STEAP3: variants seen among roughly 807,000 people sequenced by gnomAD.
The protein encoded by STEAP3 is metalloreductase STEAP3.
A neutral mutation model predicts 34.9 loss-of-function variants in STEAP3; 35 were observed. The ratio of observed to expected loss-of-function variants is 1.00; its 90% CI spans 0.76 to 1.33. The LOEUF (loss-of-function observed/expected upper bound fraction) is 1.33. Ranked by LOEUF, STEAP3 falls within the 40% of genes most tolerant of loss-of-function variation. The pLI is 0.00. For synonymous variants in STEAP3, 281 were observed against 301.6 expected (o/e 0.93, Z 0.71); for missense variants, 652 against 667.6 (o/e 0.98, Z 0.26).
Position 119,235,727 on chromosome 2 carries a change from G to A in STEAP3, c.22+4693G>A, listed in dbSNP as rs7577784. On this transcript the variant is annotated intron_variant, in intron 2 of 5. Coordinates refer to ENST00000393110, the MANE Select transcript of STEAP3 (RefSeq NM_182915.3). ...GATAGACAGGAAAGAAAACAGTACT[G>A]TCCAGTGAGACGTATTGCTCTGGAG... is the stretch of plus-strand genomic sequence containing the variant. Among the ~76,000 whole-genome samples the A allele has an allele frequency of 8.9e-3, 1,362 of 152,340 alleles. 26 individuals carry two copies. The highest frequency in any genetic ancestry group is 0.031 in the African/African-American group (1,288 of 41,584).
In STEAP3 at chr2:119,230,769, A is replaced by G; in HGVS notation, c.-244A>G. 5.0e-6 allele frequency: 3 copies of G among 598,608 alleles called. No individual in the cohort carries two copies. Among genetic ancestry groups the G allele is most frequent in the South Asian group, 1.9e-5 (1 of 52,844 alleles). 37.1% of individuals were successfully genotyped at this position (598,608 alleles called of 1,614,324 possible). ...CAGCAGGCCAGAGCTGCGCTCTCTC[A>G]GTGCACTCTCCAACCAAGCATCAGT... On this transcript the variant is annotated 5_prime_UTR_variant, in exon 2 of 6. Coordinates refer to ENST00000393110, the MANE Select transcript of STEAP3 (RefSeq NM_182915.3).
intron 2 of STEAP3, among the ~76,000 whole-genome samples, chr2:119,243,134 C>G (rs1045419501): frequency 1.3e-5 from 2 of 152,236 alleles, no homozygotes; most frequent in Non-Finnish European, 2.9e-5. Context: ...CCCTCAGAGT[C>G]TCAGCTCAGC....
At chr2:119,259,187 T>C (rs552530345) in intron 5 of STEAP3, among the ~76,000 whole-genome samples, 16 of 152,258 alleles carry the variant, frequency 1.1e-4, no homozygotes, top group African/African-American at 3.9e-4. Flanking sequence ...TGAGCAATTG[T>C]CCAAAGCCCC....
In STEAP3 at chr2:119,245,628, C is replaced by A; in HGVS notation, c.162C>A (p.Ala54=). 1 of 1,610,492 alleles carries A rather than the reference C, an allele frequency of 6.2e-7. No homozygotes were observed. Among genetic ancestry groups the A allele is most frequent in the African/African-American group, 1.3e-5 (1 of 74,996 alleles). The change falls in exon 3 of 6, where the codon GCC becomes GCA. Residue 54 remains alanine, a synonymous_variant. Coordinates refer to ENST00000393110, the MANE Select transcript of STEAP3 (RefSeq NM_182915.3). The part of the protein sequence containing the change: ...LGSGDFARSL[A]TRLVGSGFKV... ...GCGGGGACTTTGCCCGCTCCCTGGC[C>A]ACACGCCTGGTGGGCTCTGGCTTCA...
chr2:119,264,296 C>T lies in STEAP3; in HGVS notation c.*958C>T, dbSNP rs886882442. On this transcript the variant is annotated 3_prime_UTR_variant, in exon 6 of 6. Transcript: ENST00000393110. ...AAACACTCTAGGGAGTAAAGCTCCC[C>T]GGGCGTCAGAGTTGAGCCCTGCCTG... The T allele has an allele frequency of 1.4e-4, 22 of 152,550 alleles. No individual in the cohort carries two copies. The highest frequency in any genetic ancestry group is 4.6e-4 in the African/African-American group (19 of 41,422). 9.4% of individuals were successfully genotyped at this position (152,550 alleles called of 1,614,324 possible).
Position 119,230,956 on chromosome 2 carries a change from C to A in STEAP3, c.-57C>A. On this transcript the variant is annotated 5_prime_UTR_variant, in exon 2 of 6. Transcript: ENST00000393110. ...GGAGACTGAGCCAGAAAGGGTGGCT[C>A]ACCTCACGGTGAGGCTGTCGAGTGA... is the stretch of plus-strand genomic sequence containing the variant. The A allele has an allele frequency of 1.2e-6, 2 of 1,612,894 alleles. No homozygotes were observed. Among genetic ancestry groups the A allele is most frequent in the Middle Eastern group, 1.7e-4 (1 of 6,058 alleles).
chr2:119,254,566 T>C, intron 4 of STEAP3, 118 bp from the exon 5 acceptor site: 1 of 1,096,776 alleles, frequency 9.1e-7, no homozygotes, highest in South Asian at 1.4e-5. Flanking sequence ...CAGAGCCAGG[T>C]AGCGTCAGGT....
chr2:119,236,629 G>A (rs1034662613), intron 2 of STEAP3, among the ~76,000 whole-genome samples: 1 of 152,176 alleles, frequency 6.6e-6, no homozygotes, highest in African/African-American at 2.4e-5. Context: ...GCCTGGTTAG[G>A]GAAGGGATGA....
chr2:119,234,983 T>C lies in STEAP3; in HGVS notation c.22+3949T>C, dbSNP rs575721091. ...CCCAGACTGGGCTGTCAAAGCATGC[T>C]AGTGAGAGATTCCTGGATGGCAGGC... is the stretch of plus-strand genomic sequence containing the variant. On this transcript the variant is annotated intron_variant, in intron 2 of 5. Transcript: ENST00000393110. Among the ~76,000 whole-genome samples the C allele has an allele frequency of 1.8e-4, 27 of 152,304 alleles. No individual in the cohort carries two copies. The South Asian group carries it at 5.4e-3, about 30-fold the overall frequency.
At chr2:119,252,324 A>G (rs1677649219) in intron 4 of STEAP3, among the ~76,000 whole-genome samples, 1 of 152,266 alleles carries the variant, frequency 6.6e-6, no homozygotes. Flanking sequence ...TGGCAGAGTC[A>G]GCGTCAGAAT....
chr2:119,246,351 C>A, intron 3 of STEAP3: 1 of 250,062 alleles, frequency 4.0e-6, no homozygotes, highest in South Asian at 6.4e-5. Flanking sequence ...GAAAGTAACA[C>A]ACTTATGTAC....
At position 119,260,334 on chromosome 2, in the gene STEAP3, C is replaced by T. The variant is rs1290163717; in HGVS notation, c.1216-2723C>T. On this transcript the variant is annotated intron_variant, in intron 5 of 5. Transcript: ENST00000393110. ...TTTTTTTTTTTCTTTTTTTTTGAGA[C>T]GGAATTTCACTCTTGTTGCCCAGGC... Among the ~76,000 whole-genome samples the T allele has an allele frequency of 3.5e-5, 5 of 141,722 alleles. No individual in the cohort carries two copies. The East Asian group carries it at 1.0e-3, about 29-fold the overall frequency. 93.0% of individuals were successfully genotyped at this position (141,722 alleles called of 152,430 possible).
chr2:119,229,996 G>A (rs1033488940), intron 1 of STEAP3, among the ~76,000 whole-genome samples: 3 of 152,158 alleles, frequency 2.0e-5, no homozygotes, highest in Non-Finnish European at 2.9e-5. Flanking sequence ...TTGGTGTTTG[G>A]TGATGATAGG....
chr2:119,227,442 G>C (rs1049843361), intron 1 of STEAP3, among the ~76,000 whole-genome samples: 1 of 152,138 alleles, frequency 6.6e-6, no homozygotes, highest in Non-Finnish European at 1.5e-5. Flanking sequence ...AGAATTGTTC[G>C]ATACTCAACT....
Position 119,248,154 on chromosome 2 carries a change from TGCCGCTGCGCCGC to T in STEAP3, c.1002_1014del (p.Leu335ThrfsTer48). On this transcript the variant is annotated frameshift_variant, in exon 4 of 6. Transcript: ENST00000393110. LOFTEE classifies it high-confidence loss of function. ...CTGCACGCCCTCTACAGCTTCTGCT[TGCCGCTGCGCCGC>T]GCCCACCGCTACGACCTGGTCAACC... 1 of 1,606,832 alleles carries T rather than the reference TGCCGCTGCGCCGC, an allele frequency of 6.2e-7. No individual in the cohort carries two copies.
chr2:119,255,172 A>G (rs1383455734), intron 5 of STEAP3, among the ~76,000 whole-genome samples: 1 of 152,146 alleles, frequency 6.6e-6, no homozygotes, highest in African/African-American at 2.4e-5. Flanking sequence ...AATGACATGA[A>G]GTCATTGGAC....
chr2:119,263,878 G>C lies in STEAP3; in HGVS notation c.*540G>C, dbSNP rs1280661435. 1 of 183,334 alleles carries C rather than the reference G, an allele frequency of 5.5e-6. No homozygotes were observed. The highest frequency in any genetic ancestry group is 2.4e-5 in the African/African-American group (1 of 41,940). 11.4% of individuals were successfully genotyped at this position (183,334 alleles called of 1,614,324 possible). A position where few individuals can be genotyped will look rare whatever the true frequency, so the allele number is the denominator to read the frequency against. ...GCGGCTGGTCTCTTCCCTCCACCTGGGGCAGCAGCAGGAGGCCTGGGGAGG... is the reference window on the plus strand; with the variant it reads ...GCGGCTGGTCTCTTCCCTCCACCTGCGGCAGCAGCAGGAGGCCTGGGGAGG... On this transcript the variant is annotated 3_prime_UTR_variant, in exon 6 of 6. Coordinates refer to ENST00000393110, the MANE Select transcript of STEAP3 (RefSeq NM_182915.3).
intron 2 of STEAP3, 78 bp from the exon 3 acceptor site, chr2:119,245,411 G>C: frequency 6.6e-7 from 1 of 1,511,814 alleles, no homozygotes; most frequent in African/African-American, 1.4e-5. Flanking sequence ...GTGTAGTTAC[G>C]ATGTATAAGA....
chr2:119,252,800 A>G (rs908745452), intron 4 of STEAP3, among the ~76,000 whole-genome samples: 1 of 152,148 alleles, frequency 6.6e-6, no homozygotes, highest in Admixed American at 6.5e-5. Flanking sequence ...ACTGCTCCCT[A>G]GCCCACCTCA....
Sources: gnomAD v4.1 joint callset for allele counts (sites outside exome capture counted in the v4.1 genomes callset) on GRCh38, gnomAD v4.1.1 for gene constraint, MANE v1.5 for transcripts, NCBI Gene and HGNC (gene_info 2026-07-23, HGNC 2026-07-21) for gene names.